Variants in DPEP1 observed in about 807,000 individuals in gnomAD.
DPEP1 encodes the protein beta-lactamase.
In DPEP1, 50 loss-of-function variants were observed where a neutral mutation model predicts 42.3. The ratio of observed to expected loss-of-function variants is 1.18; its 90% confidence interval spans 0.94 to 1.50. The LOEUF (loss-of-function observed/expected upper bound fraction) is 1.50. Among genes scored for constraint, DPEP1 ranks in the 40% most tolerant of loss-of-function variants. The pLI, the probability that DPEP1 is intolerant of heterozygous loss-of-function variation, is 0.00. For synonymous variants in DPEP1, 297 were observed against 234.0 expected (o/e 1.27, Z -2.46); for missense variants, 663 against 553.0 (o/e 1.20, Z -1.99).
Position 89,638,160 on chromosome 16 carries a change from C to A in DPEP1, c.1174C>A (p.Arg392Ser), listed in dbSNP as rs527397911. The A allele has an allele frequency of 6.8e-6, 11 of 1,609,592 alleles. No individual in the cohort carries two copies. The highest frequency in any genetic ancestry group is 1.1e-5 in the South Asian group (1 of 90,900). ...CTCCTCTGGGGCTTCCAGCCTCCAT[C>A]GCCACTGGGGGCTCCTGCTGGCCTC... ...GYSSGASSLH[R>S]HWGLLLASLA... The change falls in exon 11 of 11, where the codon CGC (arginine) becomes AGC (serine). Residue 392 changes from arginine to serine, a missense_variant. Physicochemically the swap from Arg to Ser is moderately radical, Grantham distance 110. Transcript: ENST00000690203.
chr16:89,637,575 A>AG, intron 8 of DPEP1, 23 bp downstream of exon 8: 1 of 1,612,784 alleles, frequency 6.2e-7, no homozygotes. Flanking sequence ...TGAGCGGCCA[A>AG]GGGGGCCGAA....
Position 89,636,557 on chromosome 16 carries a change from G to C in DPEP1, c.395G>C (p.Gly132Ala). The change falls in exon 5 of 11, where the codon GGG becomes GCG. Residue 132 changes from glycine to alanine, a missense_variant. Gly to Ala is a moderately conservative substitution (Grantham distance 60). Transcript: ENST00000690203. ...GGCATTCGGCAGGCCTTCCGGGAAG[G>C]GAAGGTGGCCAGCCTGATCGGCGTG... ...SAGIRQAFRE[G>A]KVASLIGVEG... The C allele has an allele frequency of 6.2e-7, 1 of 1,612,562 alleles. No individual in the cohort carries two copies. Among genetic ancestry groups the C allele is most frequent in the Non-Finnish European group, 8.5e-7 (1 of 1,179,930 alleles).
chr16:89,630,878 C>G (rs977516528), intron 2 of DPEP1, among the ~76,000 whole-genome samples: 1 of 151,864 alleles, frequency 6.6e-6, no homozygotes, highest in South Asian at 2.1e-4. Context: ...TCAGCTTCTG[C>G]GACGGTGCCG....
In DPEP1 at chr16:89,637,330, A is replaced by C; in HGVS notation, c.718A>C (p.Ser240Arg). 1 of 1,612,552 alleles carries C rather than the reference A, an allele frequency of 6.2e-7. No individual in the cohort carries two copies. The highest frequency in any genetic ancestry group is 8.5e-7 in the Non-Finnish European group (1 of 1,179,944). ...PVIFSHSSAYSVCASRRNVPD... is the reference protein window; with the variant it reads ...PVIFSHSSAYRVCASRRNVPD... Reference sequence around the variant, plus strand: ...CATCTTCAGCCACTCCTCGGCCTACAGCGTGTGCGCAAGCCGGCGCAACGT... The same window carrying C: ...CATCTTCAGCCACTCCTCGGCCTACCGCGTGTGCGCAAGCCGGCGCAACGT... The change falls in exon 7 of 11, where the codon AGC (serine) becomes CGC (arginine). Residue 240 changes from serine (S) to arginine (R), a missense_variant. Coordinates refer to ENST00000690203, the MANE Select transcript of DPEP1 (RefSeq NM_001389466.1).
intron 2 of DPEP1, among the ~76,000 whole-genome samples, chr16:89,633,529 G>C (rs886230450): frequency 6.6e-6 from 1 of 152,236 alleles, no homozygotes. Context: ...CGGGCACATA[G>C]ATTTGAGCTG....
chr16:89,614,035 CTG>C (rs1043681997), intron 1 of DPEP1, among the ~76,000 whole-genome samples: 2 of 150,976 alleles, frequency 1.3e-5, no homozygotes, highest in Middle Eastern at 3.4e-3. Context: ...TTCTAGGAAA[CTG>C]GGGCCAGGTG....
intron 2 of DPEP1, among the ~76,000 whole-genome samples, chr16:89,635,372 A>C (rs2059663220): frequency 6.6e-6 from 1 of 152,168 alleles, no homozygotes; most frequent in Non-Finnish European, 1.5e-5. Context: ...GGCAGCAGAG[A>C]GGCCTGGGTA....
At chr16:89,637,745 G>T in intron 9 of DPEP1, 38 bp downstream of exon 9, 1 of 1,612,890 alleles carries the variant, frequency 6.2e-7, no homozygotes, top group South Asian at 1.1e-5. Context: ...GATGAGCCGG[G>T]AGGTTCATGG....
rs745714814 is a variant in DPEP1, at chr16:89,635,939, A to G, written c.136A>G (p.Met46Val). 5.0e-6 allele frequency: 8 copies of G among 1,610,784 alleles called. No homozygotes were observed. In the East Asian group the frequency reaches 8.9e-5, roughly 18 times the overall value. The change falls in exon 3 of 11, where the codon ATG (methionine) becomes GTG (valine). Residue 46 changes from methionine to valine, a missense_variant. Coordinates refer to ENST00000690203, the MANE Select transcript of DPEP1 (RefSeq NM_001389466.1). The stretch of plus-strand genomic sequence containing the variant: ...TGACCTCCCCTGGCAGCTGCTGGAT[A>G]TGTTCAACAACCGGCTGCAGGACGA... Reference protein sequence around the residue: ...HNDLPWQLLDMFNNRLQDERA... With the variant: ...HNDLPWQLLDVFNNRLQDERA...
chr16:89,628,601 C>T (rs1488539473), intron 1 of DPEP1, among the ~76,000 whole-genome samples: 1 of 151,946 alleles, frequency 6.6e-6, no homozygotes, highest in African/African-American at 2.4e-5. Context: ...TGGACAAATA[C>T]AGTGGCCTCA....
intron 1 of DPEP1, among the ~76,000 whole-genome samples, chr16:89,626,731 C>T (rs1274382736): frequency 2.6e-5 from 4 of 152,162 alleles, no homozygotes; most frequent in Admixed American, 2.0e-4. Flanking sequence ...ACATGCCTTG[C>T]CTCCCTTTGC....
Position 89,636,567 on chromosome 16 carries a change from C to T in DPEP1, c.405C>T (p.Ala135=), listed in dbSNP as rs746590395. ...IRQAFREGKV[A]SLIGVEGGHS... is the part of the protein sequence containing the mutation. ...AGGCCTTCCGGGAAGGGAAGGTGGC[C>T]AGCCTGATCGGCGTGGAGGGCGGCC... Residue 135 remains alanine (A), a synonymous_variant, in exon 5 of 11, where the codon GCC becomes GCT. Coordinates refer to ENST00000690203, the MANE Select transcript of DPEP1 (RefSeq NM_001389466.1). 3 of 1,612,492 alleles carry T rather than the reference C, an allele frequency of 1.9e-6. No individual in the cohort carries two copies. The highest frequency in any genetic ancestry group is 2.5e-6 in the Non-Finnish European group (3 of 1,179,844).
At chr16:89,626,271 C>T (rs1275742857) in intron 1 of DPEP1, among the ~76,000 whole-genome samples, 1 of 152,156 alleles carries the variant, frequency 6.6e-6, no homozygotes, top group Non-Finnish European at 1.5e-5. Flanking sequence ...GAGGTGAGTG[C>T]ATCGTGGGGC....
chr16:89,619,066 C>T (rs1314916635), intron 1 of DPEP1, among the ~76,000 whole-genome samples: 122 of 8,668 alleles, frequency 0.014, 4 homozygotes, highest in Non-Finnish European at 0.016. Flanking sequence ...CCCCCTGCCC[C>T]CCCTGCTCCC....
chr16:89,619,761 C>CG (rs1567980861), intron 1 of DPEP1, among the ~76,000 whole-genome samples: 1 of 3,596 alleles, frequency 2.8e-4, no homozygotes, highest in Non-Finnish European at 6.1e-4. Context: ...GTGCCCCCTG[C>CG]TCCCCTCCCT....
chr16:89,629,424 C>A (rs1439984543), intron 1 of DPEP1, among the ~76,000 whole-genome samples: 2 of 152,094 alleles, frequency 1.3e-5, no homozygotes, highest in Non-Finnish European at 2.9e-5. Context: ...GTTGCTTGGG[C>A]CCAGGAGGTG....
At chr16:89,614,290 A>C (rs535121616) in intron 1 of DPEP1, among the ~76,000 whole-genome samples, 42 of 152,212 alleles carry the variant, frequency 2.8e-4, no homozygotes, top group Middle Eastern at 3.4e-3. Context: ...TGTGGCGCCC[A>C]GTGCGGTCCT....
intron 1 of DPEP1, among the ~76,000 whole-genome samples, chr16:89,614,709 G>A (rs1162971768): frequency 3.3e-5 from 5 of 152,312 alleles, no homozygotes; most frequent in Admixed American, 6.5e-5. Flanking sequence ...GCAGGAGAAT[G>A]GCGTGAACCC....
intron 7 of DPEP1, 41 bp downstream of exon 7, chr16:89,637,421 C>T (rs746282652): frequency 3.1e-5 from 50 of 1,612,548 alleles, no homozygotes; most frequent in Non-Finnish European, 4.2e-5. Flanking sequence ...CCTCCCTGGG[C>T]AGGCCCTCCC....
Sources: gnomAD v4.1 joint callset for allele counts (sites outside exome capture counted in the v4.1 genomes callset) on GRCh38, gnomAD v4.1.1 for gene constraint, MANE v1.5 for transcripts, NCBI Gene and HGNC (gene_info 2026-07-23, HGNC 2026-07-21) for gene names.